Variants in MYH11 observed in about 807,000 individuals in gnomAD.
MYH11 encodes myosin heavy chain 11.
A neutral mutation model predicts 246.6 loss-of-function variants in MYH11; 80 were observed. The observed-to-expected ratio is 0.32, with a 90% confidence interval of 0.27 to 0.39. MYH11 has a LOEUF of 0.39. Ranked by LOEUF, MYH11 falls within the 10% of genes least tolerant of loss-of-function variation. The pLI is 1.00. For missense variants in MYH11, 2,158 were observed against 2,546.8 expected, an observed-to-expected ratio of 0.85 and a Z score of 3.29; for synonymous variants, 1,071 against 1,015.5, an observed-to-expected ratio of 1.05 and a Z score of -1.04.
chr16:15,832,005 T>C (rs1483712875), intron 2 of MYH11, among the ~76,000 whole-genome samples: 2 of 151,766 alleles, frequency 1.3e-5, no homozygotes, highest in African/African-American at 2.4e-5. Flanking sequence ...AGTTACAGTG[T>C]CTTTCTACCC....
chr16:15,776,283 A>AC, intron 7 of MYH11, 107 bp from the exon 8 acceptor site: 1 of 795,860 alleles, frequency 1.3e-6, no homozygotes, highest in Admixed American at 1.7e-5. Flanking sequence ...TTCCAGTTCT[A>AC]CCCCTGGGAT....
At chr16:15,747,272 T>C (rs1057140251) in intron 19 of MYH11, among the ~76,000 whole-genome samples, 1 of 152,104 alleles carries the variant, frequency 6.6e-6, no homozygotes, top group African/African-American at 2.4e-5. Flanking sequence ...ATGATTATGC[T>C]CAGTTTCCAG....
intron 3 of MYH11, 40 bp from the exon 4 acceptor site, chr16:15,798,727 T>A (rs1653229315): frequency 1.2e-6 from 2 of 1,605,214 alleles, no homozygotes; most frequent in African/African-American, 2.7e-5. Context: ...TGAATTAAAA[T>A]GAGCTCTGAG....
intron 40 of MYH11, chr16:15,714,497 G>A (rs1298798052): frequency 3.1e-6 from 1 of 317,856 alleles, no homozygotes; most frequent in East Asian, 7.6e-5. Flanking sequence ...GATGGCAGCA[G>A]TGCTGAGGGG....
intron 10 of MYH11, among the ~76,000 whole-genome samples, chr16:15,763,164 C>A (rs1457909958): frequency 6.6e-6 from 1 of 152,060 alleles, no homozygotes; most frequent in Non-Finnish European, 1.5e-5. Flanking sequence ...TTGTTGTTTA[C>A]CTAAAATTGA....
intron 4 of MYH11, among the ~76,000 whole-genome samples, chr16:15,790,501 G>T (rs1037371266): frequency 6.6e-6 from 1 of 152,106 alleles, no homozygotes; most frequent in African/African-American, 2.4e-5. Flanking sequence ...AATTGCCCTG[G>T]GAGGTTCTGC....
At chr16:15,710,640 C>T (rs2039728773) in intron 40 of MYH11, among the ~76,000 whole-genome samples, 1 of 151,356 alleles carries the variant, frequency 6.6e-6, no homozygotes, top group African/African-American at 2.4e-5. Context: ...TCAGGAGAGG[C>T]AGGGGGACTG....
At chr16:15,760,496 G>T in intron 11 of MYH11, 44 bp downstream of exon 11, 2 of 1,369,160 alleles carry the variant, frequency 1.5e-6, no homozygotes, top group Non-Finnish European at 2.1e-6. Context: ...TGAATGGATG[G>T]ATGGGTGGGT....
At position 15,777,373 on chromosome 16, in the gene MYH11, G is replaced by A. The variant is rs148995937; in HGVS notation, c.791-1197C>T. 4.1e-3 allele frequency among the ~76,000 whole-genome samples: 624 copies of A among 152,170 alleles called. 2 individuals carry two copies. The highest frequency in any genetic ancestry group is 0.017 in the Middle Eastern group (5 of 294). ...TGACCTCAAGTGGTCTGCCCGCCTC[G>A]GCCTCCCAAAGTGCTGGAATTACAG... is the stretch of plus-strand genomic sequence containing the variant. On this transcript the variant is annotated intron_variant, in intron 7 of 40. Coordinates refer to ENST00000300036, the MANE Select transcript of MYH11 (RefSeq NM_002474.3).
chr16:15,784,275 C>T (rs1404289310), intron 5 of MYH11, among the ~76,000 whole-genome samples: 1 of 152,134 alleles, frequency 6.6e-6, no homozygotes, highest in Non-Finnish European at 1.5e-5. Context: ...AGGCATGCCA[C>T]AGCTGTGCCA....
In MYH11 at chr16:15,727,060, G is replaced by A. The variant is rs193922630; in HGVS notation, c.3652-6C>T. ...TTGTCTAGGTTCGCCTTGGCCTGGCGAAGGAAGCAGAGGGGAGGGATAACA... is the reference window on the plus strand; with the variant it reads ...TTGTCTAGGTTCGCCTTGGCCTGGCAAAGGAAGCAGAGGGGAGGGATAACA... On this transcript the variant is annotated splice_region_variant and splice_polypyrimidine_tract_variant and intron_variant, in intron 27 of 40. Transcript: ENST00000300036. 2.7e-3 allele frequency: 4,277 copies of A among 1,612,982 alleles called. 15 individuals are homozygous for A. Among genetic ancestry groups the A allele is most frequent in the Middle Eastern group, 7.6e-3 (46 of 6,062 alleles).
In MYH11 at chr16:15,745,204, G is replaced by A. The variant is rs1057513174; in HGVS notation, c.2445C>T (p.Ala815=). The change falls in exon 20 of 41, where the codon GCC becomes GCT. Residue 815 remains alanine, a synonymous_variant. Transcript: ENST00000300036. ...AFAKRQQQLT[A]MKVIQRNCAA... The stretch of plus-strand genomic sequence containing the variant: ...CGCAGTTCCTCTGAATCACCTTCAT[G>A]GCGGTCAGCTGCTGCTGCCTCTTGG... 1.9e-5 allele frequency: 31 copies of A among 1,614,094 alleles called. No individual in the cohort carries two copies. Among genetic ancestry groups the A allele is most frequent in the Non-Finnish European group, 2.5e-5 (30 of 1,180,018 alleles).
chr16:15,830,711 T>C (rs1046854545), intron 2 of MYH11, among the ~76,000 whole-genome samples: 6 of 141,346 alleles, frequency 4.2e-5, no homozygotes, highest in East Asian at 2.2e-4. Context: ...AAACCCATCT[T>C]TACAAAAAAT....
At chr16:15,846,779 C>T (rs2044200481) in intron 1 of MYH11, among the ~76,000 whole-genome samples, 1 of 152,124 alleles carries the variant, frequency 6.6e-6, no homozygotes, top group Non-Finnish European at 1.5e-5. Flanking sequence ...CATGGTGAAA[C>T]CTTGTCTCTA....
At chr16:15,847,265 T>TTTTTTTTC (rs574635258) in intron 1 of MYH11, among the ~76,000 whole-genome samples, 1 of 116,134 alleles carries the variant, frequency 8.6e-6, no homozygotes, top group Non-Finnish European at 2.0e-5. Flanking sequence ...TTTTTTTTTT[T>TTTTTTTTC]TCTGAGACAG....
chr16:15,714,824 C>T lies in MYH11; in HGVS notation c.5786+85G>A, dbSNP rs549331801. The T allele has an allele frequency of 1.7e-4, 255 of 1,519,876 alleles. 3 individuals are homozygous for T. In the East Asian group the frequency reaches 4.9e-3, roughly 29 times the overall value. 94.1% of individuals were successfully genotyped at this position (1,519,876 alleles called of 1,614,324 possible). On this transcript the variant is annotated intron_variant, in intron 40 of 40. Coordinates refer to ENST00000300036, the MANE Select transcript of MYH11 (RefSeq NM_002474.3). ...GAGTGGCGGCTGTGGGCACAAGGGG[C>T]ATTTGCAGGCCGAAAGGAGCCCGAG...
intron 10 of MYH11, among the ~76,000 whole-genome samples, chr16:15,762,336 A>T (rs531221848): frequency 6.6e-6 from 1 of 152,326 alleles, no homozygotes; most frequent in African/African-American, 2.4e-5. Flanking sequence ...TCTTGCCTGG[A>T]GACTAGACTG....
At chr16:15,757,717 G>T (rs2041765314) in intron 13 of MYH11, 110 bp downstream of exon 13, 2 of 1,373,706 alleles carry the variant, frequency 1.5e-6, no homozygotes, top group East Asian at 4.9e-5. Flanking sequence ...GATGGATTGG[G>T]TGGGGGAATG....
rs770055245 is a variant in MYH11 at position 15,750,084 on chromosome 16, G to T, written c.2058+54C>A. The T allele has an allele frequency of 5.6e-6, 9 of 1,606,748 alleles. No homozygotes were observed. Among genetic ancestry groups the T allele is most frequent in the Non-Finnish European group, 7.7e-6 (9 of 1,174,944 alleles). ...AGGGCGCCCTGGGGACGCTGTGACC[G>T]CTTGGGACAGCCCTGGCTTCTGGGA... On this transcript the variant is annotated intron_variant, in intron 16 of 40. Transcript: ENST00000300036. This position sits in a 1 kb window ranked among gnomAD's most constrained non-coding sequence, Gnocchi z 4.3.
Sources: allele counts gnomAD v4.1 joint callset (sites outside exome capture counted in the v4.1 genomes callset), GRCh38; gene constraint gnomAD v4.1.1; non-coding constraint Gnocchi (gnomAD v3.1); transcripts MANE v1.5; gene names NCBI Gene and HGNC (gene_info 2026-07-23, HGNC 2026-07-21).